Variants in F8 observed in about 807,000 individuals in gnomAD.
F8 encodes antihemophilic factor.
A neutral mutation model predicts 140.6 loss-of-function variants in F8; 12 were observed. The ratio of observed to expected loss-of-function variants is 0.09; its 90% CI spans 0.05 to 0.14. F8 has a LOEUF of 0.14. F8 is among the 10% of genes least tolerant of loss of function. The probability of loss-of-function intolerance (pLI) is 1.00; values close to 1 mark genes in which losing one functional copy is unlikely to be tolerated. For missense variants in F8, 1,354 were observed against 1,720.7 expected, an observed-to-expected ratio of 0.79 and a Z score of 3.77; for synonymous variants, 585 against 614.6, an observed-to-expected ratio of 0.95 and a Z score of 0.71.
chrX:154,890,348 A>G (rs1277915596), intron 22 of F8, among the ~76,000 whole-genome samples: 1 of 112,352 alleles, frequency 8.9e-6, no homozygotes, highest in Non-Finnish European at 1.9e-5. Context: ...ACCTCATGAG[A>G]GTAGTTAATA....
chrX:155,009,819 T>C (rs782266597), intron 1 of F8, among the ~76,000 whole-genome samples: 1 of 111,203 alleles, frequency 9.0e-6, no homozygotes, highest in African/African-American at 3.3e-5. Context: ...TATAGAGCAA[T>C]AGATTGGAAG....
intron 9 of F8, among the ~76,000 whole-genome samples, chrX:154,964,679 A>G (rs974986604): frequency 8.9e-6 from 1 of 111,967 alleles, no homozygotes; most frequent in Non-Finnish European, 1.9e-5. Flanking sequence ...CTTCCAGGGC[A>G]ATTAGATTGC....
chrX:154,915,293 C>A (rs1205008763), intron 14 of F8, among the ~76,000 whole-genome samples: 1 of 112,069 alleles, frequency 8.9e-6, no homozygotes, highest in Non-Finnish European at 1.9e-5. Context: ...GGTGGGGACA[C>A]AGCCAAACCA....
chrX:154,958,157 C>A (rs1437136440), intron 10 of F8, among the ~76,000 whole-genome samples: 2 of 111,167 alleles, frequency 1.8e-5, no homozygotes, highest in African/African-American at 6.5e-5. Flanking sequence ...GGGACCTCAG[C>A]ATTACATAGT....
At chrX:154,956,148 G>T (rs1182344719) in intron 11 of F8, among the ~76,000 whole-genome samples, 2 of 112,054 alleles carry the variant, frequency 1.8e-5, no homozygotes, top group East Asian at 5.6e-4. Flanking sequence ...GTTCTGCCTG[G>T]CCCTGCAGGC....
chrX:154,851,196 G>A (rs1462630487), intron 25 of F8, among the ~76,000 whole-genome samples: 1 of 112,375 alleles, frequency 8.9e-6, no homozygotes, highest in Non-Finnish European at 1.9e-5. Context: ...CTTTCAAGGA[G>A]CATCCATGTT....
At chrX:154,855,482 G>T (rs1298179268) in intron 25 of F8, among the ~76,000 whole-genome samples, 5 of 111,820 alleles carry the variant, frequency 4.5e-5, no homozygotes, top group Non-Finnish European at 7.5e-5. Flanking sequence ...AGCTTTGCAG[G>T]GTGTCTACTG....
intron 14 of F8, among the ~76,000 whole-genome samples, chrX:154,916,975 T>A (rs2073101164): frequency 1.8e-5 from 2 of 111,029 alleles, no homozygotes; most frequent in Non-Finnish European, 3.8e-5. Flanking sequence ...TTCATTTTGG[T>A]ATGTTGTTTC....
At chrX:154,988,447 A>G (rs2073570772) in intron 4 of F8, among the ~76,000 whole-genome samples, 2 of 110,691 alleles carry the variant, frequency 1.8e-5, no homozygotes, top group African/African-American at 6.6e-5. Context: ...CCTAACCTCC[A>G]CCCTTCCCCA....
Position 154,877,301 on chromosome X carries a change from G to A in F8, c.6430-14074C>T, listed in dbSNP as rs781831248. On this transcript the variant is annotated intron_variant, in intron 22 of 25. Transcript: ENST00000360256. The stretch of plus-strand genomic sequence containing the variant: ...AGAATATCCTGGATTATCCAGGTCG[G>A]CCCAATGTAATCACAAGAGGCCTTG... Among the ~76,000 whole-genome samples, 106 of 111,152 alleles carry A rather than the reference G, an allele frequency of 9.5e-4. 4 individuals are homozygous for A. The highest frequency in any genetic ancestry group is 4.3e-4 in the Non-Finnish European group (23 of 52,951).
chrX:154,947,084 G>A (rs782510576), intron 13 of F8, among the ~76,000 whole-genome samples: 74 of 109,149 alleles, frequency 6.8e-4, no homozygotes, highest in African/African-American at 2.4e-3. Flanking sequence ...AATTAGCTGG[G>A]TGTGGTGGCG....
At position 154,950,635 on chromosome X, in the gene F8, T is replaced by C. The variant is rs782517206; in HGVS notation, c.1904-2728A>G. On this transcript the variant is annotated intron_variant, in intron 12 of 25. Coordinates refer to ENST00000360256, the MANE Select transcript of F8 (RefSeq NM_000132.4). ...ATATGTATATATTGGAATGGGTAAT[T>C]TATTAACTGTAGTCACCATAGTGTA... Among the ~76,000 whole-genome samples the C allele has an allele frequency of 2.3e-4, 26 of 112,330 alleles. No individual in the cohort carries two copies. In the South Asian group the frequency reaches 8.4e-3, roughly 36 times the overall value.
At chrX:154,893,473 C>T (rs2072959763) in intron 22 of F8, among the ~76,000 whole-genome samples, 1 of 112,320 alleles carries the variant, frequency 8.9e-6, no homozygotes, top group Admixed American at 9.4e-5. Flanking sequence ...TAAAAAATGA[C>T]CACCAATTAT....
rs782615445 is a variant in F8 at position 154,985,548 on chromosome X, C to A, written c.671-745G>T. 7.1e-5 allele frequency among the ~76,000 whole-genome samples: 8 copies of A among 112,544 alleles called. No individual in the cohort carries two copies. In the South Asian group the frequency reaches 3.0e-3, roughly 42 times the overall value. On this transcript the variant is annotated intron_variant, in intron 5 of 25. Transcript: ENST00000360256. ...CTTATATTTATGAAACCCCAGGAAC[C>A]TGAAAGCTCCCTAACACTGTCTCTG... is the stretch of plus-strand genomic sequence containing the variant.
intron 21 of F8, among the ~76,000 whole-genome samples, chrX:154,896,827 T>C (rs1188612933): frequency 8.9e-6 from 1 of 112,568 alleles, no homozygotes; most frequent in African/African-American, 3.2e-5. Context: ...TAGCAAATTA[T>C]TGCACCATAT....
intron 22 of F8, among the ~76,000 whole-genome samples, chrX:154,874,156 G>T (rs1603431983): frequency 8.9e-6 from 1 of 112,308 alleles, no homozygotes; most frequent in South Asian, 3.6e-4. Flanking sequence ...AATGGGCAAA[G>T]AACCCAAATA....
At chrX:155,017,023 A>G (rs1557287076) in intron 1 of F8, among the ~76,000 whole-genome samples, 1 of 112,244 alleles carries the variant, frequency 8.9e-6, no homozygotes, top group East Asian at 2.8e-4. Context: ...TGGGGAGAGT[A>G]TTCTGAATTA....
At chrX:154,874,373 A>C (rs1557273834) in intron 22 of F8, among the ~76,000 whole-genome samples, 2 of 112,736 alleles carry the variant, frequency 1.8e-5, no homozygotes, top group Non-Finnish European at 3.7e-5. Context: ...AGTAATTTGT[A>C]GTGAACAGAA....
In F8 at chrX:154,930,199, G is replaced by A. The variant is rs781837496; in HGVS notation, c.3591C>T (p.Asn1197=). The A allele has an allele frequency of 2.5e-6, 3 of 1,206,189 alleles. No homozygotes were observed. The highest frequency in any genetic ancestry group is 3.0e-5 in the East Asian group (1 of 33,743). Residue 1197 remains asparagine (N), a synonymous_variant, in exon 14 of 26, where the codon AAC becomes AAT. Transcript: ENST00000360256. ...TATTATTTTCATGTAAATTATCCAA[G>A]TTAGTAAGAAATAGGTTTCTGCTGC... ...FPSSRNLFLT[N]LDNLHENNTH...
Sources: allele counts gnomAD v4.1 joint callset (sites outside exome capture counted in the v4.1 genomes callset), GRCh38; gene constraint gnomAD v4.1.1; transcripts MANE v1.5; gene names NCBI Gene and HGNC (gene_info 2026-07-23, HGNC 2026-07-21).